ATP6V0A4: variants seen among roughly 807,000 people sequenced by gnomAD.
The protein encoded by ATP6V0A4 is V-type proton ATPase 116 kDa subunit a 4.
Under a neutral mutation model 107.3 loss-of-function variants are expected in ATP6V0A4, and 86 were observed. The ratio of observed to expected loss-of-function variants is 0.80; its 90% CI spans 0.67 to 0.96. ATP6V0A4 has a LOEUF of 0.96. Ranked by LOEUF, ATP6V0A4 falls within the 40% of genes least tolerant of loss-of-function variation. The pLI is 0.00. For missense variants in ATP6V0A4, 908 were observed against 1,045.6 expected, an observed-to-expected ratio of 0.87 and a Z score of 1.81; for synonymous variants, 353 against 381.4, an observed-to-expected ratio of 0.93 and a Z score of 0.87.
chr7:138,761,858 T>C (rs1207066571), intron 7 of ATP6V0A4, among the ~76,000 whole-genome samples: 1 of 152,028 alleles, frequency 6.6e-6, no homozygotes, highest in Non-Finnish European at 1.5e-5. Context: ...TTTGTATTTT[T>C]AGTAGAGATT....
intron 5 of ATP6V0A4, among the ~76,000 whole-genome samples, chr7:138,766,850 T>C (rs758438413): frequency 2.6e-4 from 39 of 152,370 alleles, no homozygotes; most frequent in Non-Finnish European, 4.0e-4. Context: ...AGACAGGCTC[T>C]ATGCTGGTCA....
intron 9 of ATP6V0A4, chr7:138,756,107 A>G: frequency 1.9e-6 from 1 of 516,666 alleles, no homozygotes; most frequent in Non-Finnish European, 3.4e-6. Flanking sequence ...CTCTGCACTG[A>G]GTCATTTCTG....
At chr7:138,741,856 T>G (rs1805649840) in intron 14 of ATP6V0A4, among the ~76,000 whole-genome samples, 1 of 152,198 alleles carries the variant, frequency 6.6e-6, no homozygotes, top group African/African-American at 2.4e-5. Context: ...CAGCTCACTG[T>G]GTACTTCAGC....
intron 1 of ATP6V0A4, among the ~76,000 whole-genome samples, chr7:138,786,972 C>T (rs1360106508): frequency 6.6e-6 from 1 of 152,158 alleles, no homozygotes; most frequent in Non-Finnish European, 1.5e-5. Flanking sequence ...ATTTAATATC[C>T]TGCATTGACT....
At position 138,794,418 on chromosome 7, in the gene ATP6V0A4, G is replaced by A. The variant is rs534022325; in HGVS notation, c.-121+3616C>T. On this transcript the variant is annotated intron_variant, in intron 1 of 21. Coordinates refer to ENST00000310018, the MANE Select transcript of ATP6V0A4 (RefSeq NM_020632.3). ...AACATGAAATATTCTTCCCTGGGCC[G>A]TTCCAGGCCACAGACTGCAGGTTTT... Among the ~76,000 whole-genome samples the A allele has an allele frequency of 7.2e-5, 11 of 152,268 alleles. No homozygotes were observed. In the South Asian group the frequency reaches 8.3e-4, roughly 11 times the overall value.
chr7:138,779,248 G>T (rs181023450), intron 2 of ATP6V0A4, among the ~76,000 whole-genome samples: 4 of 151,882 alleles, frequency 2.6e-5, no homozygotes, highest in Non-Finnish European at 4.4e-5. Flanking sequence ...TTGGGAGGCC[G>T]ACTTGGGAGG....
intron 7 of ATP6V0A4, among the ~76,000 whole-genome samples, chr7:138,760,758 G>C (rs1166427198): frequency 6.6e-6 from 1 of 151,750 alleles, no homozygotes; most frequent in Non-Finnish European, 1.5e-5. Context: ...TCAATGCCTA[G>C]TGCCTCAAAT....
chr7:138,758,584 A>T (rs970000864), intron 8 of ATP6V0A4, among the ~76,000 whole-genome samples: 1 of 152,130 alleles, frequency 6.6e-6, no homozygotes, highest in African/African-American at 2.4e-5. Context: ...CATCCGACAG[A>T]ATTCACAGCA....
intron 2 of ATP6V0A4, among the ~76,000 whole-genome samples, chr7:138,780,632 C>A (rs1408221000): frequency 2.0e-5 from 3 of 152,182 alleles, no homozygotes; most frequent in African/African-American, 7.2e-5. Flanking sequence ...AACCTCCATC[C>A]CTGCCACCAT....
chr7:138,725,048 A>T (rs1248165556), intron 18 of ATP6V0A4, among the ~76,000 whole-genome samples: 1 of 152,214 alleles, frequency 6.6e-6, no homozygotes, highest in Non-Finnish European at 1.5e-5. Flanking sequence ...AGGCAGGAGG[A>T]TCACTTGATC....
At chr7:138,741,545 C>T (rs1290182547) in intron 14 of ATP6V0A4, among the ~76,000 whole-genome samples, 3 of 152,162 alleles carry the variant, frequency 2.0e-5, no homozygotes, top group Non-Finnish European at 4.4e-5. Flanking sequence ...GGCAAGGCCA[C>T]CTGGCGACTA....
intron 14 of ATP6V0A4, 142 bp downstream of exon 14, chr7:138,744,981 G>A: frequency 1.2e-6 from 1 of 808,228 alleles, no homozygotes; most frequent in Non-Finnish European, 2.1e-6. Context: ...GGGATTACAG[G>A]CATGAGCCAC....
At chr7:138,709,822 T>A in intron 20 of ATP6V0A4, 27 bp from the exon 21 acceptor site, 10 of 1,611,872 alleles carry the variant, frequency 6.2e-6, no homozygotes, top group Non-Finnish European at 8.5e-6. Context: ...ACCACTGGGA[T>A]TATCTTGTAA....
Position 138,733,045 on chromosome 7 carries a change from C to G in ATP6V0A4, c.1740G>C (p.Met580Ile). The G allele has an allele frequency of 6.2e-7, 1 of 1,614,062 alleles. No individual in the cohort carries two copies. The highest frequency in any genetic ancestry group is 8.5e-7 in the Non-Finnish European group (1 of 1,180,018). The change falls in exon 17 of 22, where the codon ATG (methionine) becomes ATC (isoleucine). Residue 580 changes from methionine to isoleucine, a missense_variant. Met to Ile is a conservative substitution (Grantham distance 10). Coordinates refer to ENST00000310018, the MANE Select transcript of ATP6V0A4 (RefSeq NM_020632.3). The part of the protein sequence containing the change: ...LNIILQFIPE[M>I]IFILCLFGYL... ...ATCCAAACAGACACAGGATAAAAATCATCTCAGGGATAAATTGCAGAATGA... is the reference window on the plus strand; with the variant it reads ...ATCCAAACAGACACAGGATAAAAATGATCTCAGGGATAAATTGCAGAATGA...
At chr7:138,709,208 CAAAAAAAAAAAA>C (rs60144433) in intron 21 of ATP6V0A4, among the ~76,000 whole-genome samples, 3 of 49,334 alleles carry the variant, frequency 6.1e-5, no homozygotes, top group African/African-American at 2.3e-4. Flanking sequence ...GAGCCTGTCT[CAAAAAAAAAAAA>C]AAAAAAAAAA....
At position 138,728,755 on chromosome 7, in the gene ATP6V0A4, C is replaced by A; in HGVS notation, c.2010+6G>T. On this transcript the variant is annotated splice_donor_region_variant and intron_variant, in intron 18 of 21. Coordinates refer to ENST00000310018, the MANE Select transcript of ATP6V0A4 (RefSeq NM_020632.3). The stretch of plus-strand genomic sequence containing the variant: ...AGTAGGGTGAACTGAAACAAACAGC[C>A]CTTACCTGGGATTTCCGATGACTGG... 1 of 1,614,138 alleles carries A rather than the reference C, an allele frequency of 6.2e-7. No individual in the cohort carries two copies. The highest frequency in any genetic ancestry group is 8.5e-7 in the Non-Finnish European group (1 of 1,180,036).
chr7:138,796,703 C>A (rs1808681962), intron 1 of ATP6V0A4, among the ~76,000 whole-genome samples: 1 of 152,186 alleles, frequency 6.6e-6, no homozygotes, highest in African/African-American at 2.4e-5. Context: ...ATCCCATCCT[C>A]CTTTTTATTC....
chr7:138,758,883 T>G (rs1329027464), intron 8 of ATP6V0A4, among the ~76,000 whole-genome samples: 2 of 149,470 alleles, frequency 1.3e-5, no homozygotes, highest in South Asian at 4.3e-4. Flanking sequence ...CGCAAGTAGC[T>G]GGCACTACAG....
At chr7:138,747,677 G>C (rs1806024299) in intron 12 of ATP6V0A4, 113 bp from the exon 13 acceptor site, 2 of 1,503,982 alleles carry the variant, frequency 1.3e-6, no homozygotes, top group African/African-American at 2.8e-5. Context: ...AAGCCTTTCT[G>C]GTTGTCTTTT....
Sources: allele counts gnomAD v4.1 joint callset (sites outside exome capture counted in the v4.1 genomes callset), GRCh38; gene constraint gnomAD v4.1.1; transcripts MANE v1.5; gene names NCBI Gene and HGNC (gene_info 2026-07-23, HGNC 2026-07-21).